CFAP418: variants seen among roughly 807,000 people sequenced by gnomAD.
CFAP418 encodes the protein cilia and flagella associated protein 418, also known as cilia- and flagella-associated protein 418.
CFAP418 carries 27 observed loss-of-function variants against 24.7 expected under a neutral mutation model. The ratio of observed to expected loss-of-function variants is 1.09; its 90% CI spans 0.81 to 1.51. CFAP418 has a LOEUF of 1.51. Among genes scored for constraint, CFAP418 ranks in the 40% most tolerant of loss-of-function variants. The probability of loss-of-function intolerance (pLI) is 0.00; values close to 1 mark genes in which losing one functional copy is unlikely to be tolerated. For missense variants in CFAP418, 257 were observed against 255.2 expected (o/e 1.01, Z -0.05); for synonymous variants, 74 against 87.3 (o/e 0.85, Z 0.85).
intron 1 of CFAP418, among the ~76,000 whole-genome samples, chr8:95,265,079 C>T (rs1426406567): frequency 6.6e-6 from 1 of 152,162 alleles, no homozygotes; most frequent in Non-Finnish European, 1.5e-5. Flanking sequence ...GCGGGGGTTT[C>T]TCAGCCTTGG....
At chr8:95,252,338 A>C in intron 4 of CFAP418, 55 bp from the exon 5 acceptor site, 2 of 1,132,980 alleles carry the variant, frequency 1.8e-6, no homozygotes, top group Non-Finnish European at 2.6e-6. Flanking sequence ...TTAAATACCA[A>C]TGAAAACATG....
intron 1 of CFAP418, among the ~76,000 whole-genome samples, chr8:95,264,356 C>G (rs1202694507): frequency 2.6e-5 from 4 of 152,192 alleles, no homozygotes; most frequent in Non-Finnish European, 5.9e-5. Flanking sequence ...CATAGAACTT[C>G]TATTTAATAG....
intron 4 of CFAP418, among the ~76,000 whole-genome samples, chr8:95,259,422 G>A (rs1029169749): frequency 4.6e-5 from 7 of 152,194 alleles, no homozygotes; most frequent in Non-Finnish European, 1.0e-4. Context: ...ATGTAAACAT[G>A]TAAAATCAAG....
At position 95,259,860 on chromosome 8, in the gene CFAP418, AATCCC is replaced by A. The variant is rs757206516; in HGVS notation, c.349_353del (p.Gly117TrpfsTer10). The A allele has an allele frequency of 1.2e-6, 2 of 1,609,938 alleles. No individual in the cohort carries two copies. The highest frequency in any genetic ancestry group is 3.4e-5 in the Admixed American group (2 of 59,060). ...CCTACCTCCATGAAATATTTGTTCC[AATCCC>A]ACATGGAATAGAGCTTCCACCAAGG... On this transcript the variant is annotated frameshift_variant, in exon 4 of 6. Transcript: ENST00000286688. LOFTEE classifies it high-confidence loss of function.
Position 95,247,729 on chromosome 8 carries a change from A to C in CFAP418, c.512T>G (p.Ile171Arg), listed in dbSNP as rs143893647. 444 of 1,612,342 alleles carry C rather than the reference A, an allele frequency of 2.8e-4. No individual in the cohort carries two copies. In the African/African-American group the frequency reaches 5.6e-3, roughly 20 times the overall value. The stretch of plus-strand genomic sequence containing the variant: ...ATATGCCCGTGTTCCTTTCTTCTTT[A>C]TCAACTTTGCTTTTAATTTGTGAAA... ...PEFHKLKAKL[I>R]KKKGTRAYAC... is the part of the protein sequence containing the mutation. The change falls in exon 6 of 6, where the codon ATA becomes AGA. Residue 171 changes from isoleucine (I) to arginine (R), a missense_variant. Coordinates refer to ENST00000286688, the MANE Select transcript of CFAP418 (RefSeq NM_177965.4).
chr8:95,269,017 C>T lies in CFAP418; in HGVS notation c.155+18G>A, dbSNP rs755223544. 1 of 1,612,378 alleles carries T rather than the reference C, an allele frequency of 6.2e-7. No individual in the cohort carries two copies. The highest frequency in any genetic ancestry group is 2.2e-5 in the East Asian group (1 of 44,830). On this transcript the variant is annotated intron_variant, in intron 1 of 5. Coordinates refer to ENST00000286688, the MANE Select transcript of CFAP418 (RefSeq NM_177965.4). ...GCAGGGCTTTACCAGAACAGTCCAC[C>T]CCTCCCGCCCGGTTAACCTGAGCGT...
rs1231872246 is a variant in CFAP418 at position 95,263,566 on chromosome 8, GTAATTGTATTTCTCAGAATTCAAAAGA to G, written c.243+94_243+120del. ...TCTTTAAGTGTAATAATTTCTTTAA[GTAATTGTATTTCTCAGAATTCAAAAGA>G]TAATGGGTAGCTACTTGTGTCATCT... On this transcript the variant is annotated intron_variant, in intron 2 of 5. Coordinates refer to ENST00000286688, the MANE Select transcript of CFAP418 (RefSeq NM_177965.4). The G allele has an allele frequency of 7.0e-5, 40 of 567,820 alleles. No individual in the cohort carries two copies. The East Asian group carries it at 1.1e-3, about 16-fold the overall frequency. 35.2% of individuals were successfully genotyped at this position (567,820 alleles called of 1,614,324 possible).
intron 5 of CFAP418, 113 bp downstream of exon 5, chr8:95,252,075 T>A (rs1331607639): frequency 3.3e-5 from 24 of 726,124 alleles, no homozygotes; most frequent in Non-Finnish European, 5.3e-5. Context: ...ATGACTATAC[T>A]GAAGAGGTGA....
intron 5 of CFAP418, among the ~76,000 whole-genome samples, chr8:95,250,213 T>G (rs1363507960): frequency 2.0e-5 from 3 of 152,256 alleles, no homozygotes; most frequent in Non-Finnish European, 4.4e-5. Flanking sequence ...CTTTAGCTGT[T>G]CCATTCTCTT....
At chr8:95,256,223 A>AT (rs749182128) in intron 4 of CFAP418, among the ~76,000 whole-genome samples, 1 of 152,192 alleles carries the variant, frequency 6.6e-6, no homozygotes, top group Admixed American at 6.5e-5. Flanking sequence ...ACCAGAATGT[A>AT]TTTTTTTAAA....
Position 95,260,545 on chromosome 8 carries a change from C to A in CFAP418, c.244-13G>T. 6.4e-7 allele frequency: 1 copy of A among 1,553,938 alleles called. No individual in the cohort carries two copies. On this transcript the variant is annotated splice_polypyrimidine_tract_variant and intron_variant, in intron 2 of 5. Transcript: ENST00000286688. ...TAGATTTTAATTTCTGTTAAAAAAG[C>A]AAAACAATAAAAGGCCATGAGTAAC...
intron 2 of CFAP418, among the ~76,000 whole-genome samples, chr8:95,263,171 G>A (rs1587357027): frequency 6.6e-6 from 1 of 152,208 alleles, no homozygotes; most frequent in East Asian, 1.9e-4. Context: ...ATTAATATAT[G>A]TTTAATATGG....
intron 2 of CFAP418, among the ~76,000 whole-genome samples, chr8:95,262,849 T>G (rs768705447): frequency 2.6e-5 from 4 of 152,142 alleles, no homozygotes; most frequent in Non-Finnish European, 4.4e-5. Flanking sequence ...TGTATGCCTT[T>G]TCTCCGATTA....
Position 95,269,105 on chromosome 8 carries a change from G to T in CFAP418, c.85C>A (p.Gln29Lys). Residue 29 changes from glutamine (Q) to lysine (K), a missense_variant, in exon 1 of 6, where the codon CAG becomes AAG. Transcript: ENST00000286688. Reference sequence around the variant, plus strand: ...GTGCCGCCGCCGCAGCCTTTGGGCTGCTCGACCATACCCCGTCTTAGAAGG... The same window carrying T: ...GTGCCGCCGCCGCAGCCTTTGGGCTTCTCGACCATACCCCGTCTTAGAAGG... The part of the protein sequence containing the change: ...PDLLRRGMVE[Q>K]PKGCGGGTHS... 6.2e-7 allele frequency: 1 copy of T among 1,614,204 alleles called. No homozygotes were observed. Among genetic ancestry groups the T allele is most frequent in the East Asian group, 2.2e-5 (1 of 44,870 alleles).
At chr8:95,251,696 G>C (rs1038104310) in intron 5 of CFAP418, among the ~76,000 whole-genome samples, 2 of 152,192 alleles carry the variant, frequency 1.3e-5, no homozygotes, top group African/African-American at 4.8e-5. Context: ...TATCTAGGCT[G>C]ACAGCAGGCA....
At chr8:95,268,059 C>T (rs1309875702) in intron 1 of CFAP418, among the ~76,000 whole-genome samples, 1 of 151,998 alleles carries the variant, frequency 6.6e-6, no homozygotes, top group African/African-American at 2.4e-5. Context: ...ACTAGGGGGC[C>T]ATGGAGAGAA....
chr8:95,247,385 A>T lies in CFAP418; in HGVS notation c.*232T>A. On this transcript the variant is annotated 3_prime_UTR_variant, in exon 6 of 6. Coordinates refer to ENST00000286688, the MANE Select transcript of CFAP418 (RefSeq NM_177965.4). ...CAGAAGACAGATTAGTAAAGAATGTAGATGCCTGTTACTAAGTGAAACATC... is the reference window on the plus strand; with the variant it reads ...CAGAAGACAGATTAGTAAAGAATGTTGATGCCTGTTACTAAGTGAAACATC... The T allele has an allele frequency of 1.9e-6, 1 of 521,074 alleles. No homozygotes were observed. The highest frequency in any genetic ancestry group is 3.4e-6 in the Non-Finnish European group (1 of 294,260). The allele number at this position is 521,074 out of a possible 1,614,324, so 32.3% of individuals were successfully genotyped here. A position where few individuals can be genotyped will look rare whatever the true frequency, so the allele number is the denominator to read the frequency against.
chr8:95,258,522 AAAAT>A (rs1335005415), intron 4 of CFAP418, among the ~76,000 whole-genome samples: 1 of 152,108 alleles, frequency 6.6e-6, no homozygotes, highest in African/African-American at 2.4e-5. Flanking sequence ...AAAAGTTAAA[AAAAT>A]AAAAAAATTT....
intron 2 of CFAP418, 49 bp from the exon 3 acceptor site, chr8:95,260,581 G>T: frequency 8.8e-7 from 1 of 1,138,558 alleles, no homozygotes; most frequent in Non-Finnish European, 1.3e-6. Context: ...TTAGAAAACT[G>T]TAACATGAAA....
Sources: allele counts gnomAD v4.1 joint callset (sites outside exome capture counted in the v4.1 genomes callset), GRCh38; gene constraint gnomAD v4.1.1; transcripts MANE v1.5; gene names NCBI Gene and HGNC (gene_info 2026-07-23, HGNC 2026-07-21).